ST18: variants seen among roughly 807,000 people sequenced by gnomAD.
ST18 encodes the protein ST18 C2H2C-type zinc finger transcription factor.
Under a neutral mutation model 110.0 loss-of-function variants are expected in ST18, and 50 were observed. The observed-to-expected ratio is 0.45, with a 90% CI of 0.36 to 0.58. ST18 has a LOEUF of 0.58. ST18 is among the 20% of genes least tolerant of loss of function. The pLI is 0.00. For synonymous variants in ST18, 461 were observed against 452.4 expected (o/e 1.02, Z -0.24); for missense variants, 1,306 against 1,280.1 (o/e 1.02, Z -0.31).
intron 2 of ST18, among the ~76,000 whole-genome samples, chr8:52,257,675 A>T (rs1297698198): frequency 6.6e-6 from 1 of 152,074 alleles, no homozygotes; most frequent in Non-Finnish European, 1.5e-5. Context: ...TTCTATATGT[A>T]TTCTAGATAC....
intron 2 of ST18, among the ~76,000 whole-genome samples, chr8:52,253,579 T>C (rs1451422658): frequency 6.6e-6 from 1 of 152,166 alleles, no homozygotes; most frequent in Non-Finnish European, 1.5e-5. Flanking sequence ...CTCTTTTCCT[T>C]ATGTATAGCT....
chr8:52,377,751 T>TTG (rs1832969543), intron 2 of ST18, among the ~76,000 whole-genome samples: 1 of 152,196 alleles, frequency 6.6e-6, no homozygotes, highest in African/African-American at 2.4e-5. Context: ...CACTGCTGGA[T>TTG]GTATACCCAA....
intron 2 of ST18, among the ~76,000 whole-genome samples, chr8:52,303,471 C>T (rs62499824): frequency 0.12 from 18,030 of 152,272 alleles, 1,433 homozygotes; most frequent in Middle Eastern, 0.24. Context: ...AAGGTATGTG[C>T]GTGTGACCAC....
chr8:52,172,720 T>C, intron 9 of ST18, 137 bp from the exon 10 acceptor site: 2 of 579,418 alleles, frequency 3.5e-6, no homozygotes, highest in Non-Finnish European at 2.9e-6. Context: ...CACATATACA[T>C]ACATAATATG....
chr8:52,282,319 A>G (rs1487438113), intron 2 of ST18, among the ~76,000 whole-genome samples: 1 of 152,256 alleles, frequency 6.6e-6, no homozygotes, highest in Non-Finnish European at 1.5e-5. Context: ...TAATGTACCA[A>G]AAAGATAATC....
At chr8:52,152,221 A>C (rs2058992922) in intron 15 of ST18, among the ~76,000 whole-genome samples, 1 of 152,202 alleles carries the variant, frequency 6.6e-6, no homozygotes, top group Admixed American at 6.5e-5. Flanking sequence ...TACATGCAGT[A>C]CCAGAGAAGG....
Position 52,239,013 on chromosome 8 carries a change from A to G in ST18, c.-464-8936T>C, listed in dbSNP as rs577507547. On this transcript the variant is annotated intron_variant, in intron 2 of 25. Transcript: ENST00000689386. The stretch of plus-strand genomic sequence containing the variant: ...TGTACCCCCTATATCTATACCAATA[A>G]AAGGAATGAAGTACTTATGTATGCC... Among the ~76,000 whole-genome samples the G allele has an allele frequency of 2.5e-4, 38 of 152,270 alleles. No individual in the cohort carries two copies. The South Asian group carries it at 7.7e-3, about 31-fold the overall frequency.
intron 2 of ST18, among the ~76,000 whole-genome samples, chr8:52,340,341 T>C (rs1476887240): frequency 6.6e-6 from 1 of 152,258 alleles, no homozygotes; most frequent in Non-Finnish European, 1.5e-5. Context: ...ACGTTTTATG[T>C]GCCCTGAAGC....
At chr8:52,179,589 C>T (rs1224692988) in intron 9 of ST18, among the ~76,000 whole-genome samples, 1 of 152,014 alleles carries the variant, frequency 6.6e-6, no homozygotes, top group Non-Finnish European at 1.5e-5. Flanking sequence ...CCACAGACCA[C>T]TTGCATTGGT....
intron 2 of ST18, among the ~76,000 whole-genome samples, chr8:52,391,355 G>C (rs923636919): frequency 1.3e-5 from 2 of 152,208 alleles, no homozygotes; most frequent in South Asian, 2.1e-4. Flanking sequence ...ACAGGCCAGC[G>C]AGGGTGCAGA....
At position 52,180,203 on chromosome 8, in the gene ST18, G is replaced by A. The variant is rs2068805051; in HGVS notation, c.196C>T (p.Pro66Ser). The A allele has an allele frequency of 6.2e-7, 1 of 1,613,964 alleles. No individual in the cohort carries two copies. The highest frequency in any genetic ancestry group is 1.1e-5 in the South Asian group (1 of 91,072). ...SLLMKPRHYS[P>S]KADCQEDRSD... ...CGGTCTTCTTGGCAGTCTGCTTTTG[G>A]GCTGTAGTGTCGGGGCTTCATTAGC... Residue 66 changes from proline to serine, a missense_variant, in exon 9 of 26, where the codon CCA becomes TCA. Transcript: ENST00000689386.
chr8:52,225,469 G>C (rs2088983726), intron 3 of ST18, among the ~76,000 whole-genome samples: 1 of 152,148 alleles, frequency 6.6e-6, no homozygotes, highest in Non-Finnish European at 1.5e-5. Flanking sequence ...ATTTGCTTTG[G>C]GGGGCCAGTT....
intron 2 of ST18, among the ~76,000 whole-genome samples, chr8:52,330,912 A>G (rs1808997594): frequency 6.6e-6 from 1 of 152,208 alleles, no homozygotes; most frequent in South Asian, 2.1e-4. Flanking sequence ...AGAGGCACAG[A>G]AAAAGAGAGC....
chr8:52,244,777 G>A (rs1329991866), intron 2 of ST18, among the ~76,000 whole-genome samples: 1 of 152,148 alleles, frequency 6.6e-6, no homozygotes, highest in Non-Finnish European at 1.5e-5. Flanking sequence ...CAAACCAGCA[G>A]ATGGCTTGTG....
rs1195201988 is a variant in ST18 at position 52,336,348 on chromosome 8, A to G, written c.-465+72980T>C. Among the ~76,000 whole-genome samples, 3 of 152,172 alleles carry G rather than the reference A, an allele frequency of 2.0e-5. No homozygotes were observed. In the East Asian group the frequency reaches 5.8e-4, roughly 29 times the overall value. On this transcript the variant is annotated intron_variant, in intron 2 of 25. Coordinates refer to ENST00000689386, the MANE Select transcript of ST18 (RefSeq NM_001352837.2). ...CTATTTGCAGTAGAGATGGGGTTTC[A>G]CTATGTTGACCAGGCTGGTCTCAAA...
intron 13 of ST18, among the ~76,000 whole-genome samples, chr8:52,162,373 G>A (rs192385903): frequency 5.1e-4 from 78 of 152,276 alleles, no homozygotes; most frequent in Middle Eastern, 3.4e-3. Context: ...AGTGATGCTA[G>A]GCTCTGCTCA....
Position 52,144,989 on chromosome 8 carries a change from G to A in ST18, c.2053-1944C>T, listed in dbSNP as rs138412098. On this transcript the variant is annotated intron_variant, in intron 16 of 25. Coordinates refer to ENST00000689386, the MANE Select transcript of ST18 (RefSeq NM_001352837.2). ...GAAATGTCTTGGCTTTTTGAAAGTA[G>A]ATACAATTGCTAAATCTGATATTGT... 4.5e-3 allele frequency among the ~76,000 whole-genome samples: 676 copies of A among 151,446 alleles called. 8 individuals are homozygous for A. The highest frequency in any genetic ancestry group is 0.015 in the African/African-American group (625 of 41,358).
At chr8:52,268,468 CATCTATCTATCTATCT>C (rs55683613) in intron 2 of ST18, among the ~76,000 whole-genome samples, 30,804 of 148,646 alleles carry the variant, frequency 0.21, 3,775 homozygotes, top group Middle Eastern at 0.38. Flanking sequence ...ATCTATCTAT[CATCTATCTATCTATCT>C]ATCTATCTAT....
chr8:52,390,148 G>A (rs1426434143), intron 2 of ST18, among the ~76,000 whole-genome samples: 1 of 152,146 alleles, frequency 6.6e-6, no homozygotes, highest in Admixed American at 6.5e-5. Context: ...AGAGAAGCAG[G>A]GAAAGTGGGG....
Sources: gnomAD v4.1 joint callset for allele counts (sites outside exome capture counted in the v4.1 genomes callset) on GRCh38, gnomAD v4.1.1 for gene constraint, MANE v1.5 for transcripts, NCBI Gene and HGNC (gene_info 2026-07-23, HGNC 2026-07-21) for gene names.